KCNMA1: variants seen among roughly 807,000 people sequenced by gnomAD.
The protein encoded by KCNMA1 is Calcium-activated potassium channel subunit alpha-1.
KCNMA1 carries 29 observed loss-of-function variants against 140.0 expected under a neutral mutation model. That is an observed-to-expected ratio of 0.21 (90% CI 0.15 to 0.28). KCNMA1 has a LOEUF of 0.28. KCNMA1 is among the 10% of genes least tolerant of loss of function. The pLI, the probability that KCNMA1 is intolerant of heterozygous loss-of-function variation, is 1.00. For missense variants in KCNMA1, 880 were observed against 1,602.2 expected (o/e 0.55, Z 7.70); for synonymous variants, 612 against 611.9 (o/e 1.00, Z 0.00).
intron 1 of KCNMA1, among the ~76,000 whole-genome samples, chr10:77,490,539 C>T (rs776658509): frequency 5.3e-5 from 8 of 152,206 alleles, no homozygotes; most frequent in Non-Finnish European, 2.9e-5. Context: ...AATATGACTA[C>T]TACTAACGAT....
intron 17 of KCNMA1, among the ~76,000 whole-genome samples, chr10:77,013,361 C>T (rs2091291940): frequency 6.6e-6 from 1 of 152,092 alleles, no homozygotes; most frequent in African/African-American, 2.4e-5. Context: ...AAGTCCAATG[C>T]TTGCTCTATC....
intron 7 of KCNMA1, among the ~76,000 whole-genome samples, chr10:77,110,634 T>C (rs185798028): frequency 6.6e-6 from 1 of 152,260 alleles, no homozygotes; most frequent in African/African-American, 2.4e-5. Flanking sequence ...TCTGGTAAAA[T>C]GTGGGAAGCC....
At chr10:77,207,101 T>C (rs768807287) in intron 3 of KCNMA1, among the ~76,000 whole-genome samples, 3 of 152,290 alleles carry the variant, frequency 2.0e-5, no homozygotes, top group Non-Finnish European at 4.4e-5. Flanking sequence ...CCGCTTTCAT[T>C]TGAAGGCAAA....
intron 17 of KCNMA1, chr10:77,012,652 G>A (rs1024966299): frequency 8.1e-6 from 8 of 987,760 alleles, no homozygotes; most frequent in Non-Finnish European, 1.2e-5. Flanking sequence ...AAAGCTGACT[G>A]GACCAATTCC....
At chr10:77,207,226 C>A (rs896407719) in intron 3 of KCNMA1, among the ~76,000 whole-genome samples, 6 of 152,226 alleles carry the variant, frequency 3.9e-5, no homozygotes, top group African/African-American at 1.4e-4. Context: ...AGAGGACTCT[C>A]CCTAAACAAA....
At chr10:77,208,417 A>T (rs2044864416) in intron 3 of KCNMA1, among the ~76,000 whole-genome samples, 1 of 152,204 alleles carries the variant, frequency 6.6e-6, no homozygotes, top group African/African-American at 2.4e-5. Context: ...TGAGCCCAGA[A>T]GTTTGAGACT....
At chr10:77,384,830 T>C (rs2095546301) in intron 2 of KCNMA1, among the ~76,000 whole-genome samples, 1 of 152,220 alleles carries the variant, frequency 6.6e-6, no homozygotes, top group African/African-American at 2.4e-5. Context: ...TTTGAGATCT[T>C]CCCATTCATT....
chr10:77,193,599 G>C (rs771195654), intron 3 of KCNMA1, among the ~76,000 whole-genome samples: 4 of 152,118 alleles, frequency 2.6e-5, no homozygotes, highest in Non-Finnish European at 5.9e-5. Context: ...GTTCTTCGAG[G>C]GCAGGGTCAA....
At chr10:77,340,009 C>T (rs1268780769) in intron 2 of KCNMA1, among the ~76,000 whole-genome samples, 1 of 152,224 alleles carries the variant, frequency 6.6e-6, no homozygotes, top group Non-Finnish European at 1.5e-5. Context: ...TACATCTAGA[C>T]TTCTACTTGT....
At chr10:77,203,025 T>C (rs1351566170) in intron 3 of KCNMA1, among the ~76,000 whole-genome samples, 3 of 152,170 alleles carry the variant, frequency 2.0e-5, no homozygotes, top group Admixed American at 2.0e-4. Flanking sequence ...CTTCCTGAAA[T>C]AGAAGATGTG....
chr10:77,086,347 G>A, intron 11 of KCNMA1, 141 bp downstream of exon 11: 1 of 711,326 alleles, frequency 1.4e-6, no homozygotes, highest in Non-Finnish European at 2.6e-6. Context: ...CAAGGTTGCT[G>A]GTATGTGATT....
intron 1 of KCNMA1, among the ~76,000 whole-genome samples, chr10:77,598,174 T>C (rs2081482084): frequency 6.6e-6 from 1 of 152,210 alleles, no homozygotes. Flanking sequence ...TTTCACCATG[T>C]TGGCCAGGCT....
chr10:76,941,050 A>AAAGAAAGAAAGAAAGAAAGAAAG (rs1565059705), intron 23 of KCNMA1, among the ~76,000 whole-genome samples: 1 of 79,164 alleles, frequency 1.3e-5, no homozygotes, highest in Admixed American at 1.3e-4. Context: ...AGAAAGAAAG[A>AAAGAAAGAAAGAAAGAAAGAAAG]AAGAGAAAGA....
intron 7 of KCNMA1, among the ~76,000 whole-genome samples, chr10:77,111,632 G>A (rs747505152): frequency 6.6e-6 from 1 of 152,170 alleles, no homozygotes; most frequent in Non-Finnish European, 1.5e-5. Flanking sequence ...CTTCCTTTGG[G>A]TGATAATTAC....
intron 1 of KCNMA1, among the ~76,000 whole-genome samples, chr10:77,467,241 T>A (rs1251141151): frequency 5.3e-5 from 8 of 152,240 alleles, no homozygotes; most frequent in Non-Finnish European, 5.9e-5. Flanking sequence ...GTGTCAGTTT[T>A]CATCTTAATT....
chr10:77,332,256 G>A (rs1057453639), intron 2 of KCNMA1, among the ~76,000 whole-genome samples: 1 of 152,300 alleles, frequency 6.6e-6, no homozygotes, highest in Non-Finnish European at 1.5e-5. Context: ...AAAAAGGAGA[G>A]AGAGTTGCTC....
intron 1 of KCNMA1, among the ~76,000 whole-genome samples, chr10:77,562,687 T>C (rs2066782111): frequency 6.6e-6 from 1 of 152,198 alleles, no homozygotes; most frequent in Non-Finnish European, 1.5e-5. Context: ...AATTGATCAT[T>C]TGGGGTAATA....
At chr10:77,197,734 G>A (rs1054164803) in intron 3 of KCNMA1, among the ~76,000 whole-genome samples, 4 of 152,170 alleles carry the variant, frequency 2.6e-5, no homozygotes, top group South Asian at 2.1e-4. Flanking sequence ...CAACCGAAAG[G>A]GGGAGGTTGC....
In KCNMA1 at chr10:76,963,043, C is replaced by G. The variant is rs374316096; in HGVS notation, c.2360+6931G>C. Among the ~76,000 whole-genome samples, 29 of 152,320 alleles carry G rather than the reference C, an allele frequency of 1.9e-4. 3 individuals are homozygous for G. The highest frequency in any genetic ancestry group is 3.4e-3 in the Middle Eastern group (1 of 294). The stretch of plus-strand genomic sequence containing the variant: ...TGAAGGACAACCCTAAATTATGTCT[C>G]TAACCAGTCAAGGCTGCCTGAAGTT... On this transcript the variant is annotated intron_variant, in intron 20 of 27. Transcript: ENST00000286628.
Sources: gnomAD v4.1 joint callset for allele counts (sites outside exome capture counted in the v4.1 genomes callset) on GRCh38, gnomAD v4.1.1 for gene constraint, MANE v1.5 for transcripts, NCBI Gene and HGNC (gene_info 2026-07-23, HGNC 2026-07-21) for gene names.